Variants in PIGU observed in about 807,000 individuals in gnomAD.
PIGU encodes phosphatidylinositol glycan anchor biosynthesis class U, also known as GPI-anchor transamidase component PIGU.
A neutral mutation model predicts 49.9 loss-of-function variants in PIGU; 24 were observed. That is an observed-to-expected ratio of 0.48 (90% confidence interval 0.35 to 0.68). The LOEUF (loss-of-function observed/expected upper bound fraction) is 0.68, where lower values mean the gene tolerates loss of function less well. Among genes scored for constraint, PIGU ranks in the 30% least tolerant of loss-of-function variants. The pLI, the probability that PIGU is intolerant of heterozygous loss-of-function variation, is 0.01. For synonymous variants in PIGU, 220 were observed against 205.7 expected (o/e 1.07, Z -0.59); for missense variants, 490 against 532.6 (o/e 0.92, Z 0.79).
intron 6 of PIGU, among the ~76,000 whole-genome samples, chr20:34,624,050 T>TA: frequency 6.6e-6 from 1 of 152,276 alleles, no homozygotes; most frequent in Non-Finnish European, 1.5e-5. Context: ...ATAAGGCCTA[T>TA]AAGGATGCTA....
intron 6 of PIGU, among the ~76,000 whole-genome samples, chr20:34,629,785 A>C (rs1214846744): frequency 6.6e-6 from 1 of 152,174 alleles, no homozygotes. Context: ...TTAGTTAAAA[A>C]TAATAGATTG....
intron 2 of PIGU, 86 bp from the exon 3 acceptor site, chr20:34,645,420 A>G: frequency 7.1e-7 from 1 of 1,414,180 alleles, no homozygotes; most frequent in Non-Finnish European, 9.3e-7. Context: ...GGAGAAAACT[A>G]TTATGTCAGC....
In PIGU at chr20:34,650,664, T is replaced by C. The variant is rs575477492; in HGVS notation, c.196-5330A>G. ...ATTGTCTATTTTTTTCTGTCTCTTA[T>C]TATGCTTGGTAATTTTTTTCCTTTT... On this transcript the variant is annotated intron_variant, in intron 2 of 11. Coordinates refer to ENST00000217446, the MANE Select transcript of PIGU (RefSeq NM_080476.5). 1.9e-4 allele frequency among the ~76,000 whole-genome samples: 28 copies of C among 151,118 alleles called. No individual in the cohort carries two copies. The South Asian group carries it at 5.4e-3, about 29-fold the overall frequency.
At chr20:34,635,411 C>T (rs1034785476) in intron 5 of PIGU, among the ~76,000 whole-genome samples, 37 of 152,268 alleles carry the variant, frequency 2.4e-4, no homozygotes, top group African/African-American at 8.4e-4. Flanking sequence ...ACATCTGGAC[C>T]CTCACTAGGA....
Position 34,607,720 on chromosome 20 carries a change from ACTT to A in PIGU, c.627+8319_627+8321del, listed in dbSNP as rs150964860. Reference sequence around the variant, plus strand: ...CTGAAAGAGCACAGTGTAACAAACAACTTCTGTGGCTCCAGGGATCATGAGTAC... The same window carrying A: ...CTGAAAGAGCACAGTGTAACAAACAACTGTGGCTCCAGGGATCATGAGTAC... On this transcript the variant is annotated intron_variant, in intron 7 of 11. Transcript: ENST00000217446. Among the ~76,000 whole-genome samples the A allele has an allele frequency of 7.2e-3, 1,095 of 152,264 alleles. 10 individuals carry two copies. The highest frequency in any genetic ancestry group is 0.025 in the African/African-American group (1,029 of 41,548).
chr20:34,561,224 G>GCTCT lies in PIGU; in HGVS notation c.1195-249_1195-246dup, dbSNP rs1982492675. Among the ~76,000 whole-genome samples the GCTCT allele has an allele frequency of 6.6e-5, 10 of 152,244 alleles. No individual in the cohort carries two copies. In the South Asian group the frequency reaches 2.1e-3, roughly 32 times the overall value. On this transcript the variant is annotated intron_variant, in intron 11 of 11. Transcript: ENST00000217446. ...CCCATGGTCTACACCTCCATCCCAG[G>GCTCT]CTCTGGCCTCGAATGCCAGCCTGGT...
At chr20:34,632,949 G>A (rs766886649) in intron 6 of PIGU, among the ~76,000 whole-genome samples, 16 of 151,116 alleles carry the variant, frequency 1.1e-4, no homozygotes, top group Non-Finnish European at 2.1e-4. Flanking sequence ...AACATTGTTA[G>A]GTACTTGACA....
chr20:34,623,162 A>G (rs952690082), intron 6 of PIGU, among the ~76,000 whole-genome samples: 1 of 151,856 alleles, frequency 6.6e-6, no homozygotes, highest in Non-Finnish European at 1.5e-5. Flanking sequence ...GTGATGATCT[A>G]TACCAAGACA....
At chr20:34,593,677 G>T (rs962995909) in intron 7 of PIGU, among the ~76,000 whole-genome samples, 1 of 152,164 alleles carries the variant, frequency 6.6e-6, no homozygotes, top group Admixed American at 6.5e-5. Flanking sequence ...GGAAAAGGTT[G>T]AATTAGACCT....
chr20:34,645,090 G>A (rs1183630993), intron 3 of PIGU, among the ~76,000 whole-genome samples, 185 bp downstream of exon 3: 1 of 150,194 alleles, frequency 6.7e-6, no homozygotes, highest in African/African-American at 2.5e-5. Flanking sequence ...ACTGTGTCAT[G>A]TGTCCATAGT....
chr20:34,590,962 A>C (rs1003976092), intron 7 of PIGU, among the ~76,000 whole-genome samples: 1 of 152,140 alleles, frequency 6.6e-6, no homozygotes, highest in Non-Finnish European at 1.5e-5. Context: ...CAGAGCTTGC[A>C]GTGAGCCGAG....
intron 7 of PIGU, among the ~76,000 whole-genome samples, chr20:34,608,511 T>C (rs1432327633): frequency 6.6e-6 from 1 of 152,216 alleles, no homozygotes; most frequent in Non-Finnish European, 1.5e-5. Context: ...GTTAAGACTT[T>C]GAGGACTATT....
rs530941516 is a variant in PIGU at position 34,586,777 on chromosome 20, G to A, written c.783-1197C>T. Among the ~76,000 whole-genome samples the A allele has an allele frequency of 4.6e-5, 7 of 152,294 alleles. No individual in the cohort carries two copies. The East Asian group carries it at 9.6e-4, about 21-fold the overall frequency. ...CTCAAGGTTTGACGTGTGGCAGGTGGCATTATTTTCAAACTGTCAGAGGCC... is the reference window on the plus strand; with the variant it reads ...CTCAAGGTTTGACGTGTGGCAGGTGACATTATTTTCAAACTGTCAGAGGCC... On this transcript the variant is annotated intron_variant, in intron 8 of 11. Transcript: ENST00000217446.
At chr20:34,665,587 G>T (rs965959762) in intron 1 of PIGU, among the ~76,000 whole-genome samples, 1 of 151,874 alleles carries the variant, frequency 6.6e-6, no homozygotes, top group African/African-American at 2.4e-5. Context: ...TGATCTGCCC[G>T]CCTCAGCCTC....
At chr20:34,622,098 C>T (rs1196210615) in intron 6 of PIGU, among the ~76,000 whole-genome samples, 2 of 152,120 alleles carry the variant, frequency 1.3e-5, no homozygotes, top group East Asian at 3.8e-4. Flanking sequence ...ACAAAAGGGG[C>T]TCCCGTGGAT....
At chr20:34,623,809 T>C (rs1380698855) in intron 6 of PIGU, among the ~76,000 whole-genome samples, 1 of 152,192 alleles carries the variant, frequency 6.6e-6, no homozygotes, top group African/African-American at 2.4e-5. Flanking sequence ...CATGATTTGC[T>C]CAAGGCTACA....
intron 6 of PIGU, among the ~76,000 whole-genome samples, chr20:34,625,957 AAT>A (rs143479250): frequency 6.4e-4 from 93 of 145,680 alleles, no homozygotes; most frequent in East Asian, 4.2e-3. Flanking sequence ...ACATATATAT[AAT>A]ATATATATAT....
intron 4 of PIGU, among the ~76,000 whole-genome samples, chr20:34,641,234 A>G (rs547946954): frequency 1.2e-4 from 19 of 152,244 alleles, no homozygotes; most frequent in African/African-American, 4.6e-4. Flanking sequence ...GCTTTTTCTA[A>G]TCATTGAAGC....
intron 7 of PIGU, among the ~76,000 whole-genome samples, chr20:34,608,913 C>T (rs770084695): frequency 2.0e-5 from 3 of 152,286 alleles, no homozygotes; most frequent in Non-Finnish European, 2.9e-5. Flanking sequence ...TAGCTTCTCT[C>T]CTTGGAGCCT....
Sources: gnomAD v4.1 joint callset for allele counts (sites outside exome capture counted in the v4.1 genomes callset) on GRCh38, gnomAD v4.1.1 for gene constraint, MANE v1.5 for transcripts, NCBI Gene and HGNC (gene_info 2026-07-23, HGNC 2026-07-21) for gene names.